Variants in NCKAP5L observed in about 807,000 individuals in gnomAD.
NCKAP5L encodes the protein nck-associated protein 5-like.
A neutral mutation model predicts 103.2 loss-of-function variants in NCKAP5L; 54 were observed. The observed-to-expected ratio is 0.52, with a 90% CI of 0.42 to 0.66. The LOEUF is 0.66. Among genes scored for constraint, NCKAP5L ranks in the 30% least tolerant of loss-of-function variants. NCKAP5L has a pLI of 0.00. For missense variants in NCKAP5L, 1,733 were observed against 1,750.6 expected (o/e 0.99, Z 0.18); for synonymous variants, 762 against 748.6 (o/e 1.02, Z -0.29).
intron 1 of NCKAP5L, among the ~76,000 whole-genome samples, chr12:49,818,093 C>T (rs904414852): frequency 1.3e-4 from 20 of 151,514 alleles, no homozygotes; most frequent in Non-Finnish European, 2.2e-4. Flanking sequence ...GATCGCGCTG[C>T]TGCACTCTGG....
chr12:49,794,937 CCTTGGCCATCAG>C lies in NCKAP5L; in HGVS notation c.2911_2922del (p.Leu971_Lys974del), dbSNP rs1946008030. On this transcript the variant is annotated inframe_deletion, in exon 8 of 13. Transcript: ENST00000335999. ...TCCAGTGCCCGACGCAGGTCTTCCG[CCTTGGCCATCAG>C]CTTGGAGATGTTGAGGCTCTCGGCC... 6.4e-7 allele frequency: 1 copy of C among 1,572,462 alleles called. No homozygotes were observed. The highest frequency in any genetic ancestry group is 1.7e-4 in the Middle Eastern group (1 of 5,918).
In NCKAP5L at chr12:49,791,568, G is replaced by A; in HGVS notation, c.*271C>T. On this transcript the variant is annotated 3_prime_UTR_variant, in exon 13 of 13. Coordinates refer to ENST00000335999, the MANE Select transcript of NCKAP5L (RefSeq NM_001037806.4). ...GGGACTGGAGGGCTGCGACACAGTG[G>A]CCTTTAACCCCCAGTCCCTTCCAGG... The A allele has an allele frequency of 2.8e-6, 1 of 351,604 alleles. No homozygotes were observed. Among genetic ancestry groups the A allele is most frequent in the Non-Finnish European group, 5.1e-6 (1 of 194,650 alleles). 21.8% of individuals were successfully genotyped at this position (351,604 alleles called of 1,614,324 possible). A position where few individuals can be genotyped will look rare whatever the true frequency, so the allele number is the denominator to read the frequency against.
chr12:49,795,881 G>A lies in NCKAP5L; in HGVS notation c.1979C>T (p.Pro660Leu). The change falls in exon 8 of 13, where the codon CCT becomes CTT. Residue 660 changes from proline (P) to leucine (L), a missense_variant. Physicochemically the swap from Pro to Leu is moderately conservative, Grantham distance 98 (BLOSUM62 -3). Transcript: ENST00000335999. ...GRRPGDPGST[P>L]LRDRLAALGK... ...CAGGGCCGCCAGTCTGTCCCGCAGAGGTGTGCTGCCAGGATCCCCAGGTCG... is the reference window on the plus strand; with the variant it reads ...CAGGGCCGCCAGTCTGTCCCGCAGAAGTGTGCTGCCAGGATCCCCAGGTCG... 3 of 1,554,248 alleles carry A rather than the reference G, an allele frequency of 1.9e-6. No individual in the cohort carries two copies. The highest frequency in any genetic ancestry group is 2.6e-6 in the Non-Finnish European group (3 of 1,155,716).
Position 49,801,884 on chromosome 12 carries a change from C to A in NCKAP5L, c.315G>T (p.Gln105His). ...AGCCTGTCGTGAGCTGGAGTTTCTG[C>A]TGAAACAGGGCACTCAGCATCTGGT... ...RQNQMLSALFQQKLQLTTGSL... is the reference protein window; with the variant it reads ...RQNQMLSALFHQKLQLTTGSL... Residue 105 changes from glutamine to histidine, a missense_variant, in exon 6 of 13, where the codon CAG becomes CAT. By Grantham distance (24) the Gln-to-His change is conservative (BLOSUM62 0). Coordinates refer to ENST00000335999, the MANE Select transcript of NCKAP5L (RefSeq NM_001037806.4). 1 of 1,613,998 alleles carries A rather than the reference C, an allele frequency of 6.2e-7. No homozygotes were observed. The highest frequency in any genetic ancestry group is 1.1e-5 in the South Asian group (1 of 91,078).
chr12:49,803,021 G>A, intron 4 of NCKAP5L, 25 bp from the exon 5 acceptor site: 1 of 1,614,228 alleles, frequency 6.2e-7, no homozygotes, highest in Non-Finnish European at 8.5e-7. Context: ...CCCCGAGGCA[G>A]AGCCATCAGC....
Position 49,796,523 on chromosome 12 carries a change from C to T in NCKAP5L, c.1337G>A (p.Gly446Glu), listed in dbSNP as rs781537884. ...IGPPSPGEAQ[G>E]PLLPSPARGL... ...CCTAGCTGGAGAGGGCAGAAGGGGT[C>T]CCTGAGCTTCCCCAGGAGAAGGGGG... The change falls in exon 8 of 13, where the codon GGA (glycine) becomes GAA (glutamate). Residue 446 changes from glycine to glutamate, a missense_variant. Coordinates refer to ENST00000335999, the MANE Select transcript of NCKAP5L (RefSeq NM_001037806.4). The T allele has an allele frequency of 1.3e-6, 2 of 1,567,208 alleles. No individual in the cohort carries two copies. Among genetic ancestry groups the T allele is most frequent in the South Asian group, 2.4e-5 (2 of 83,158 alleles).
intron 2 of NCKAP5L, chr12:49,804,908 G>C (rs564057017): frequency 2.6e-5 from 4 of 152,408 alleles, no homozygotes; most frequent in Non-Finnish European, 5.9e-5. Flanking sequence ...TCACTTGCTG[G>C]GTTATCCCAG....
intron 1 of NCKAP5L, among the ~76,000 whole-genome samples, chr12:49,819,859 A>T (rs1255732978): frequency 1.3e-5 from 2 of 152,266 alleles, no homozygotes; most frequent in Non-Finnish European, 2.9e-5. Context: ...AGGTAAAGAC[A>T]GGTGGGGTTT....
intron 1 of NCKAP5L, among the ~76,000 whole-genome samples, chr12:49,827,804 C>G (rs944347058): frequency 2.0e-5 from 3 of 152,216 alleles, no homozygotes; most frequent in African/African-American, 7.2e-5. Context: ...CCGCCTTCCC[C>G]AGGCCCTACC....
chr12:49,825,180 GTGT>G (rs1268921163), intron 1 of NCKAP5L, among the ~76,000 whole-genome samples: 1 of 152,214 alleles, frequency 6.6e-6, no homozygotes, highest in Non-Finnish European at 1.5e-5. Flanking sequence ...CCTATGCTCT[GTGT>G]TGTTTTGATG....
chr12:49,796,999 G>C lies in NCKAP5L; in HGVS notation c.861C>G (p.Ser287Arg). ...SRGPPQAQGT[S>R]SGPNCAPGSS... ...TGCCTGGGGCACAGTTTGGGCCAGA[G>C]CTGGTGCCCTGGGCCTGAGGAGGTC... is the stretch of plus-strand genomic sequence containing the variant. The change falls in exon 8 of 13, where the codon AGC becomes AGG. Residue 287 changes from serine (S) to arginine (R), a missense_variant. Coordinates refer to ENST00000335999, the MANE Select transcript of NCKAP5L (RefSeq NM_001037806.4). 1 of 1,589,882 alleles carries C rather than the reference G, an allele frequency of 6.3e-7. No homozygotes were observed. Among genetic ancestry groups the C allele is most frequent in the Non-Finnish European group, 8.6e-7 (1 of 1,168,792 alleles).
chr12:49,814,234 C>T (rs1439953808), intron 1 of NCKAP5L, among the ~76,000 whole-genome samples: 4 of 149,586 alleles, frequency 2.7e-5, no homozygotes, highest in East Asian at 3.9e-4. Flanking sequence ...CCTGTAACCC[C>T]AGCGCTTTGG....
At chr12:49,825,501 G>GC in intron 1 of NCKAP5L, among the ~76,000 whole-genome samples, 1 of 152,278 alleles carries the variant, frequency 6.6e-6, no homozygotes, top group Non-Finnish European at 1.5e-5. Flanking sequence ...TCCTTCTAAC[G>GC]GGGCCTCTGG....
rs922840047 is a variant in NCKAP5L, at chr12:49,791,429, G to GC, written c.*409dup. 6.1e-6 allele frequency: 1 copy of GC among 163,440 alleles called. No homozygotes were observed. The highest frequency in any genetic ancestry group is 2.4e-5 in the African/African-American group (1 of 41,884). The allele number at this position is 163,440 out of a possible 1,614,324, so 10.1% of individuals were successfully genotyped here. On this transcript the variant is annotated 3_prime_UTR_variant, in exon 13 of 13. Coordinates refer to ENST00000335999, the MANE Select transcript of NCKAP5L (RefSeq NM_001037806.4). Reference sequence around the variant, plus strand: ...GCCCCCAAACTCCACCAGCACGGGGGCCTCCAGGAGGGCCTCGCGAGGGCT... The same window carrying GC: ...GCCCCCAAACTCCACCAGCACGGGGGCCCTCCAGGAGGGCCTCGCGAGGGCT...
chr12:49,795,755 CCT>C lies in NCKAP5L; in HGVS notation c.2103_2104del (p.Ser704CysfsTer105). The stretch of plus-strand genomic sequence containing the variant: ...GGGCACCATGTCTCCAGCACTCTCC[CCT>C]GACTTCCCAGGTCCCCGGGTCTTTT... On this transcript the variant is annotated frameshift_variant, in exon 8 of 13. Transcript: ENST00000335999. LOFTEE classifies it high-confidence loss of function. 6.3e-7 allele frequency: 1 copy of C among 1,597,554 alleles called. No homozygotes were observed. The highest frequency in any genetic ancestry group is 8.5e-7 in the Non-Finnish European group (1 of 1,172,320).
At chr12:49,827,291 G>C (rs1409297638) in intron 1 of NCKAP5L, among the ~76,000 whole-genome samples, 1 of 152,028 alleles carries the variant, frequency 6.6e-6, no homozygotes, top group Non-Finnish European at 1.5e-5. Flanking sequence ...GGAGAAGTGG[G>C]AGGGAGGGAT....
At chr12:49,807,478 G>A (rs949975398) in intron 1 of NCKAP5L, among the ~76,000 whole-genome samples, 1 of 152,180 alleles carries the variant, frequency 6.6e-6, no homozygotes, top group Non-Finnish European at 1.5e-5. Flanking sequence ...GCTGGGATGA[G>A]AGGCACGAGT....
intron 1 of NCKAP5L, among the ~76,000 whole-genome samples, chr12:49,814,322 A>C (rs1432436556): frequency 6.6e-6 from 1 of 150,958 alleles, no homozygotes; most frequent in Non-Finnish European, 1.5e-5. Context: ...GTCTCTACTA[A>C]AAATACAAAA....
chr12:49,814,160 TTA>T (rs141969862), intron 1 of NCKAP5L, among the ~76,000 whole-genome samples: 7,291 of 124,538 alleles, frequency 0.059, 416 homozygotes, highest in African/African-American at 0.17. Context: ...TATTTTATAT[TTA>T]TATATATATA....
Sources: allele counts gnomAD v4.1 joint callset (sites outside exome capture counted in the v4.1 genomes callset), GRCh38; gene constraint gnomAD v4.1.1; transcripts MANE v1.5; gene names NCBI Gene and HGNC (gene_info 2026-07-23, HGNC 2026-07-21).